FRMPD4: variants seen among roughly 807,000 people sequenced by gnomAD.
FRMPD4 encodes FERM and PDZ domain-containing protein 4.
In FRMPD4, 22 loss-of-function variants were observed where a neutral mutation model predicts 94.1. The ratio of observed to expected loss-of-function variants is 0.23; its 90% CI spans 0.17 to 0.33. FRMPD4 has a LOEUF of 0.33. Among genes scored for constraint, FRMPD4 ranks in the 10% least tolerant of loss-of-function variants. The pLI is 1.00. For missense variants in FRMPD4, 1,111 were observed against 1,339.9 expected (o/e 0.83, Z 2.67); for synonymous variants, 631 against 548.6 (o/e 1.15, Z -2.10).
chrX:12,250,044 C>G (rs867248078), intron 1 of FRMPD4, among the ~76,000 whole-genome samples: 64 of 71,576 alleles, frequency 8.9e-4, no homozygotes, highest in Middle Eastern at 5.7e-3. Flanking sequence ...CTCTCTCTCT[C>G]TCTCTGTGTG....
At chrX:12,358,820 A>T (rs761135621) in intron 1 of FRMPD4, among the ~76,000 whole-genome samples, 4 of 111,969 alleles carry the variant, frequency 3.6e-5, no homozygotes, top group African/African-American at 1.3e-4. Flanking sequence ...GGGAACCTCT[A>T]CTACAAGTGT....
rs1279669033 is a variant in FRMPD4 at position 12,196,490 on chromosome X, G to A, written c.41+57478G>A. Among the ~76,000 whole-genome samples the A allele has an allele frequency of 2.7e-5, 3 of 110,758 alleles. No homozygotes were observed. The East Asian group carries it at 8.5e-4, about 31-fold the overall frequency. On this transcript the variant is annotated intron_variant, in intron 1 of 16. Coordinates refer to ENST00000675598, the MANE Select transcript of FRMPD4 (RefSeq NM_001368397.1). ...GGCCAGTTGAAGTTTGGAACTATTTGTGGGAGCCTGAATGAGGTTTAATAG... is the reference window on the plus strand; with the variant it reads ...GGCCAGTTGAAGTTTGGAACTATTTATGGGAGCCTGAATGAGGTTTAATAG...
At chrX:12,469,987 G>C (rs2057491919) in intron 1 of FRMPD4, among the ~76,000 whole-genome samples, 1 of 112,063 alleles carries the variant, frequency 8.9e-6, no homozygotes, top group Non-Finnish European at 1.9e-5. Context: ...CTCTGAAATG[G>C]AAATACTGAT....
chrX:12,562,914 T>G (rs1426500347), intron 2 of FRMPD4, among the ~76,000 whole-genome samples: 1 of 112,346 alleles, frequency 8.9e-6, no homozygotes, highest in Non-Finnish European at 1.9e-5. Flanking sequence ...CCTCCCAAAG[T>G]GCTGGGATTA....
chrX:12,104,183 G>A (rs906004921), intron 3 of FRMPD4, among the ~76,000 whole-genome samples: 4 of 112,690 alleles, frequency 3.5e-5, no homozygotes, highest in East Asian at 5.6e-4. Context: ...CAGAGCCCTC[G>A]TGACCTAATC....
At chrX:12,406,528 A>G (rs1004889639) in intron 1 of FRMPD4, among the ~76,000 whole-genome samples, 23 of 111,825 alleles carry the variant, frequency 2.1e-4, no homozygotes, top group African/African-American at 7.2e-4. Context: ...TCTCCCTCCA[A>G]CCACTCTGGG....
chrX:12,271,874 T>G (rs1281851564), intron 1 of FRMPD4, among the ~76,000 whole-genome samples: 2 of 112,081 alleles, frequency 1.8e-5, no homozygotes, highest in East Asian at 5.5e-4. Context: ...AGGTCTGCAG[T>G]TGAGTCACAG....
intron 1 of FRMPD4, among the ~76,000 whole-genome samples, chrX:12,385,504 C>A (rs1352791274): frequency 8.9e-6 from 1 of 112,249 alleles, no homozygotes; most frequent in East Asian, 2.8e-4. Context: ...AAGGTCAGTC[C>A]TTCAGTTACT....
At chrX:12,143,803 T>A (rs2147577091) in intron 1 of FRMPD4, among the ~76,000 whole-genome samples, 1 of 112,580 alleles carries the variant, frequency 8.9e-6, no homozygotes, top group African/African-American at 3.2e-5. Flanking sequence ...CTTATCTTTA[T>A]TGAAACTTCT....
At chrX:12,500,829 A>G (rs5978538) in intron 2 of FRMPD4, among the ~76,000 whole-genome samples, 1,692 of 112,182 alleles carry the variant, frequency 0.015, 39 homozygotes, top group African/African-American at 0.051. Flanking sequence ...TCTATTTTGT[A>G]ACATGGCTAT....
At chrX:11,885,527 T>G (rs967714472) in intron 3 of FRMPD4, among the ~76,000 whole-genome samples, 3 of 111,364 alleles carry the variant, frequency 2.7e-5, no homozygotes, top group Non-Finnish European at 3.8e-5. Context: ...ATGGTTAAGA[T>G]AGCACATTTT....
intron 2 of FRMPD4, among the ~76,000 whole-genome samples, chrX:11,871,689 G>A (rs1179710021): frequency 2.7e-5 from 3 of 112,013 alleles, no homozygotes; most frequent in Non-Finnish European, 5.6e-5. Context: ...GGAAAGGAAC[G>A]GTGGATTGGG....
At chrX:12,086,631 T>A (rs1341317902) in intron 3 of FRMPD4, among the ~76,000 whole-genome samples, 4 of 111,067 alleles carry the variant, frequency 3.6e-5, no homozygotes, top group Non-Finnish European at 7.5e-5. Context: ...GAAGTCCGGG[T>A]GGGATGTGAC....
chrX:12,664,850 G>A (rs1222202490), intron 4 of FRMPD4, among the ~76,000 whole-genome samples: 2 of 111,613 alleles, frequency 1.8e-5, no homozygotes, highest in African/African-American at 3.3e-5. Context: ...TTTTTGGTTT[G>A]TAGGCTACTA....
chrX:12,450,863 CAAA>C lies in FRMPD4; in HGVS notation c.42-47799_42-47797del, dbSNP rs5901475. ...TGGACTCAGTGTTGTTCTATTTATC[CAAA>C]AAAAAAAAAAAAAAAAAGAGAGAGA... On this transcript the variant is annotated intron_variant, in intron 1 of 16. Transcript: ENST00000675598. Among the ~76,000 whole-genome samples, 62 of 49,540 alleles carry C rather than the reference CAAA, an allele frequency of 1.3e-3. No individual in the cohort carries two copies. The South Asian group carries it at 0.019, about 16-fold the overall frequency. The allele number at this position is 49,540 out of a possible 115,157, so 43.0% of individuals were successfully genotyped here. A position where few individuals can be genotyped will look rare whatever the true frequency, so the allele number is the denominator to read the frequency against.
rs1040010531 is a variant in FRMPD4 at position 11,932,598 on chromosome X, C to T, written c.95+54580C>T. On this transcript the variant is annotated intron_variant, in intron 3 of 18. Coordinates refer to the FRMPD4 transcript ENST00000640291. ...CCAAATGGGAGTTAGGTGTGTAAAA[C>T]TGTGTACTAGGTATTAAATGCCCAA... Among the ~76,000 whole-genome samples the T allele has an allele frequency of 5.4e-5, 6 of 110,309 alleles. No individual in the cohort carries two copies. The East Asian group carries it at 8.5e-4, about 16-fold the overall frequency.
At chrX:12,229,501 AT>A (rs2056960343) in intron 1 of FRMPD4, among the ~76,000 whole-genome samples, 1 of 111,684 alleles carries the variant, frequency 9.0e-6, no homozygotes, top group Non-Finnish European at 1.9e-5. Flanking sequence ...CCTTCTGCAC[AT>A]TTGAAATTCT....
chrX:12,126,724 C>T (rs1363667264), intron 3 of FRMPD4, among the ~76,000 whole-genome samples: 1 of 111,734 alleles, frequency 8.9e-6, no homozygotes, highest in African/African-American at 3.3e-5. Flanking sequence ...CGGTTTCTCC[C>T]TTCCATTACT....
intron 2 of FRMPD4, among the ~76,000 whole-genome samples, chrX:12,513,662 CT>C (rs1346008750): frequency 8.9e-6 from 1 of 112,075 alleles, no homozygotes; most frequent in African/African-American, 3.2e-5. Flanking sequence ...ATGCCTCAAG[CT>C]TTGTTCTTTT....
Sources: allele counts gnomAD v4.1 joint callset (sites outside exome capture counted in the v4.1 genomes callset), GRCh38; gene constraint gnomAD v4.1.1; transcripts MANE v1.5; gene names NCBI Gene and HGNC (gene_info 2026-07-23, HGNC 2026-07-21).